Variants in EXOC6B observed in about 807,000 individuals in gnomAD.
EXOC6B encodes exocyst complex component 6B.
In EXOC6B, 54 loss-of-function variants were observed where a neutral mutation model predicts 113.5. The observed-to-expected ratio is 0.48, with a 90% CI of 0.38 to 0.60. The LOEUF (loss-of-function observed/expected upper bound fraction) is 0.60, where lower values mean the gene tolerates loss of function less well. Ranked by LOEUF, EXOC6B falls within the 20% of genes least tolerant of loss-of-function variation. The pLI, the probability that EXOC6B is intolerant of heterozygous loss-of-function variation, is 0.00. For missense variants in EXOC6B, 797 were observed against 977.5 expected (o/e 0.82, Z 2.46); for synonymous variants, 357 against 339.0 (o/e 1.05, Z -0.58).
intron 5 of EXOC6B, among the ~76,000 whole-genome samples, chr2:72,718,851 AAG>A (rs983412434): frequency 2.4e-4 from 36 of 152,368 alleles, no homozygotes; most frequent in Admixed American, 1.2e-3. Flanking sequence ...ATCTTAAAAA[AAG>A]AGAAATAAAA....
rs556492825 is a variant in EXOC6B at position 72,399,968 on chromosome 2, T to C, written c.1981-20098A>G. ...ATATGGAACCTAAAAAGAACACAAA[T>C]AGCCAAAGCAATGTTAAGTAAAAAG... is the stretch of plus-strand genomic sequence containing the variant. On this transcript the variant is annotated intron_variant, in intron 18 of 21. Transcript: ENST00000272427. 4.6e-5 allele frequency among the ~76,000 whole-genome samples: 7 copies of C among 152,094 alleles called. No individual in the cohort carries two copies. In the South Asian group the frequency reaches 1.4e-3, roughly 31 times the overall value.
intron 20 of EXOC6B, among the ~76,000 whole-genome samples, chr2:72,261,910 T>C (rs1683743234): frequency 2.0e-5 from 3 of 152,148 alleles, no homozygotes; most frequent in South Asian, 4.1e-4. Context: ...GCCTTAGGTA[T>C]GGGCTTATTA....
rs1200543496 is a variant in EXOC6B at position 72,668,479 on chromosome 2, C to A, written c.669+49624G>T. Among the ~76,000 whole-genome samples, 9 of 151,686 alleles carry A rather than the reference C, an allele frequency of 5.9e-5. No homozygotes were observed. In the East Asian group the frequency reaches 1.6e-3, roughly 26 times the overall value. ...AAAAATGCAACCCATATCTTCATTG[C>A]AGAGCTAGTTACAACAGCAAAAAAA... On this transcript the variant is annotated intron_variant, in intron 6 of 21. Coordinates refer to ENST00000272427, the MANE Select transcript of EXOC6B (RefSeq NM_015189.3).
intron 11 of EXOC6B, among the ~76,000 whole-genome samples, chr2:72,506,823 G>T (rs572920661): frequency 6.6e-6 from 1 of 151,974 alleles, no homozygotes; most frequent in Non-Finnish European, 1.5e-5. Context: ...TCATATTTTG[G>T]ACTGAAGGAC....
chr2:72,288,261 T>C (rs1044234572), intron 20 of EXOC6B, among the ~76,000 whole-genome samples: 3 of 152,152 alleles, frequency 2.0e-5, no homozygotes, highest in Non-Finnish European at 2.9e-5. Flanking sequence ...TGAAAAACTA[T>C]TATTAGCTAC....
chr2:72,602,015 G>C (rs987531097), intron 6 of EXOC6B, among the ~76,000 whole-genome samples: 14 of 152,202 alleles, frequency 9.2e-5, no homozygotes, highest in Non-Finnish European at 2.1e-4. Context: ...ATTGGTGGGA[G>C]AAAGGAGGAG....
At chr2:72,386,300 G>A (rs1364138707) in intron 18 of EXOC6B, among the ~76,000 whole-genome samples, 1 of 152,144 alleles carries the variant, frequency 6.6e-6, no homozygotes, top group African/African-American at 2.4e-5. Flanking sequence ...TGGTCATGTA[G>A]TAGAAAAGAA....
chr2:72,229,081 T>C (rs1261154511), intron 20 of EXOC6B, among the ~76,000 whole-genome samples: 1 of 152,216 alleles, frequency 6.6e-6, no homozygotes, highest in Non-Finnish European at 1.5e-5. Context: ...GAAGTGTCTG[T>C]TCATATCCTT....
intron 20 of EXOC6B, among the ~76,000 whole-genome samples, chr2:72,195,811 C>G (rs1409066210): frequency 2.0e-5 from 3 of 151,960 alleles, no homozygotes; most frequent in Non-Finnish European, 4.4e-5. Flanking sequence ...AGTCAGTCCC[C>G]CAAATCTGAA....
intron 20 of EXOC6B, among the ~76,000 whole-genome samples, chr2:72,244,179 A>T (rs983355555): frequency 1.3e-5 from 2 of 152,184 alleles, no homozygotes; most frequent in African/African-American, 4.8e-5. Context: ...AGATTTAAAC[A>T]AGTAGAAATG....
At chr2:72,490,711 A>C (rs780309038) in intron 16 of EXOC6B, among the ~76,000 whole-genome samples, 1 of 152,128 alleles carries the variant, frequency 6.6e-6, no homozygotes, top group Non-Finnish European at 1.5e-5. Flanking sequence ...AATGGTGCCA[A>C]AATTACACGG....
At chr2:72,419,844 A>C (rs773669424) in intron 18 of EXOC6B, among the ~76,000 whole-genome samples, 1 of 152,194 alleles carries the variant, frequency 6.6e-6, no homozygotes, top group Non-Finnish European at 1.5e-5. Context: ...GTCTTCCAAC[A>C]ATCTTGGAAA....
At chr2:72,442,675 G>A (rs1364356451) in intron 18 of EXOC6B, among the ~76,000 whole-genome samples, 3 of 152,220 alleles carry the variant, frequency 2.0e-5, no homozygotes, top group Middle Eastern at 3.4e-3. Flanking sequence ...TAGGAATACA[G>A]CTAAGTAGGG....
chr2:72,783,647 T>G (rs1050523484), intron 1 of EXOC6B, among the ~76,000 whole-genome samples: 1 of 152,142 alleles, frequency 6.6e-6, no homozygotes, highest in African/African-American at 2.4e-5. Context: ...TATGTCTCCT[T>G]TTGAGAAATG....
intron 18 of EXOC6B, among the ~76,000 whole-genome samples, chr2:72,423,576 C>T (rs1268178859): frequency 6.6e-6 from 1 of 152,136 alleles, no homozygotes; most frequent in East Asian, 1.9e-4. Context: ...AATTTTATCT[C>T]TTCTTTTCCC....
chr2:72,817,742 C>T (rs1686334890), intron 1 of EXOC6B, among the ~76,000 whole-genome samples: 1 of 152,352 alleles, frequency 6.6e-6, no homozygotes. Context: ...GCCTTGGAAT[C>T]ATCCTTGATC....
intron 8 of EXOC6B, among the ~76,000 whole-genome samples, chr2:72,519,812 A>G (rs1558757262): frequency 6.6e-6 from 1 of 152,178 alleles, no homozygotes; most frequent in Non-Finnish European, 1.5e-5. Context: ...ATTTGCGTCT[A>G]TAGCTTAAGA....
intron 17 of EXOC6B, among the ~76,000 whole-genome samples, chr2:72,477,774 G>A (rs1698837716): frequency 6.6e-6 from 1 of 152,110 alleles, no homozygotes; most frequent in African/African-American, 2.4e-5. Context: ...ACTATTTCTT[G>A]AACACATCCA....
At chr2:72,227,695 A>G (rs954516777) in intron 20 of EXOC6B, among the ~76,000 whole-genome samples, 1 of 152,208 alleles carries the variant, frequency 6.6e-6, no homozygotes, top group Non-Finnish European at 1.5e-5. Flanking sequence ...TATTGGCCAC[A>G]AAGATGCTAT....
Sources: allele counts gnomAD v4.1 joint callset (sites outside exome capture counted in the v4.1 genomes callset), GRCh38; gene constraint gnomAD v4.1.1; transcripts MANE v1.5; gene names NCBI Gene and HGNC (gene_info 2026-07-23, HGNC 2026-07-21).